Variants in PTPRT observed in about 807,000 individuals in gnomAD.
PTPRT encodes receptor-type tyrosine-protein phosphatase T.
In PTPRT, 56 loss-of-function variants were observed where a neutral mutation model predicts 176.8. That is an observed-to-expected ratio of 0.32 (90% CI 0.26 to 0.40). The LOEUF (loss-of-function observed/expected upper bound fraction) is 0.40. Ranked by LOEUF, PTPRT falls within the 10% of genes least tolerant of loss-of-function variation. The probability of loss-of-function intolerance (pLI) is 1.00; values close to 1 mark genes in which losing one functional copy is unlikely to be tolerated. For synonymous variants in PTPRT, 783 were observed against 739.0 expected, an observed-to-expected ratio of 1.06 and a Z score of -0.96; for missense variants, 1,540 against 1,908.2, an observed-to-expected ratio of 0.81 and a Z score of 3.60.
At position 42,943,264 on chromosome 20, in the gene PTPRT, T is replaced by C. The variant is rs149555830; in HGVS notation, c.89-57332A>G. 3.9e-5 allele frequency among the ~76,000 whole-genome samples: 6 copies of C among 152,258 alleles called. No homozygotes were observed. In the East Asian group the frequency reaches 9.7e-4, roughly 25 times the overall value. ...GTCCCGAGAAGTCCCAAACACTCAA[T>C]GGATATCATCCCAGGGCAGTAAGAT... On this transcript the variant is annotated intron_variant, in intron 1 of 30. Transcript: ENST00000373187.
chr20:42,620,113 G>A (rs1468468366), intron 7 of PTPRT, among the ~76,000 whole-genome samples: 25,766 of 142,410 alleles, frequency 0.18, 3,141 homozygotes, highest in African/African-American at 0.37. Flanking sequence ...GTACAGATGG[G>A]TTTTCGGTGT....
At chr20:42,330,282 C>T (rs1486502603) in intron 11 of PTPRT, among the ~76,000 whole-genome samples, 1 of 151,966 alleles carries the variant, frequency 6.6e-6, no homozygotes, top group Non-Finnish European at 1.5e-5. Context: ...ACTAGCCTCG[C>T]CAACATCGTG....
chr20:42,929,515 C>A (rs1468831934), intron 1 of PTPRT, among the ~76,000 whole-genome samples: 1 of 152,150 alleles, frequency 6.6e-6, no homozygotes, highest in East Asian at 1.9e-4. Flanking sequence ...TTTCTGTGTG[C>A]TTCTTCCTAT....
intron 1 of PTPRT, chr20:42,969,108 A>C (rs564713900): frequency 6.6e-6 from 1 of 152,184 alleles, no homozygotes; most frequent in African/African-American, 2.4e-5. Context: ...CTTGTCGTTA[A>C]TGGGGTGTCA....
chr20:42,787,743 A>G (rs2077312430), intron 3 of PTPRT, among the ~76,000 whole-genome samples: 1 of 152,224 alleles, frequency 6.6e-6, no homozygotes, highest in Non-Finnish European at 1.5e-5. Flanking sequence ...TCTTCACCTT[A>G]GTATTATAAA....
chr20:42,351,168 T>C (rs1221024574), intron 10 of PTPRT, among the ~76,000 whole-genome samples: 2 of 151,950 alleles, frequency 1.3e-5, no homozygotes, highest in African/African-American at 2.4e-5. Flanking sequence ...CTGATAGGAA[T>C]GCGACTATAT....
At chr20:42,961,312 A>G (rs1161534346) in intron 1 of PTPRT, among the ~76,000 whole-genome samples, 1 of 152,236 alleles carries the variant, frequency 6.6e-6, no homozygotes. Flanking sequence ...TTGGTGCTCC[A>G]AAAACATAAA....
chr20:42,322,541 T>A (rs28792709), intron 11 of PTPRT, among the ~76,000 whole-genome samples: 13,224 of 77,376 alleles, frequency 0.17, 2,058 homozygotes, highest in African/African-American at 0.47. Context: ...TGGTGCTGGG[T>A]AAACTGGCTA....
intron 17 of PTPRT, among the ~76,000 whole-genome samples, chr20:42,142,553 T>C (rs1173643208): frequency 1.3e-5 from 2 of 152,178 alleles, no homozygotes; most frequent in East Asian, 3.9e-4. Context: ...TTAGTTACAG[T>C]AGTCCTCCCT....
At chr20:42,112,378 G>A (rs1987047607) in intron 22 of PTPRT, among the ~76,000 whole-genome samples, 1 of 152,190 alleles carries the variant, frequency 6.6e-6, no homozygotes, top group Non-Finnish European at 1.5e-5. Flanking sequence ...GTGTGGCTGG[G>A]TGGGGCAGCA....
At chr20:42,782,613 A>G (rs1233799100) in intron 3 of PTPRT, among the ~76,000 whole-genome samples, 1 of 152,134 alleles carries the variant, frequency 6.6e-6, no homozygotes, top group African/African-American at 2.4e-5. Context: ...TTTTTATTCT[A>G]CCTTATTAGC....
intron 15 of PTPRT, among the ~76,000 whole-genome samples, chr20:42,211,813 C>A (rs1478840649): frequency 2.0e-5 from 3 of 150,546 alleles, no homozygotes; most frequent in African/African-American, 7.4e-5. Context: ...ACCCAAAGGA[C>A]TATAAATCAT....
intron 9 of PTPRT, among the ~76,000 whole-genome samples, chr20:42,408,146 C>T (rs527293968): frequency 1.3e-5 from 2 of 152,098 alleles, no homozygotes; most frequent in African/African-American, 4.8e-5. Flanking sequence ...AAATTAACTA[C>T]CAAACTATTT....
At chr20:42,603,762 CGG>C (rs1569009637) in intron 7 of PTPRT, among the ~76,000 whole-genome samples, 2 of 152,178 alleles carry the variant, frequency 1.3e-5, no homozygotes, top group Non-Finnish European at 2.9e-5. Flanking sequence ...ACTCCATAGA[CGG>C]ACAAGAATGA....
intron 6 of PTPRT, among the ~76,000 whole-genome samples, chr20:42,729,651 G>C (rs16987307): frequency 0.11 from 16,961 of 152,224 alleles, 1,582 homozygotes; most frequent in African/African-American, 0.25. Flanking sequence ...GAGGAAAGGA[G>C]TGATCCAGGA....
At chr20:42,679,917 T>C (rs931372108) in intron 6 of PTPRT, among the ~76,000 whole-genome samples, 1 of 152,190 alleles carries the variant, frequency 6.6e-6, no homozygotes, top group Non-Finnish European at 1.5e-5. Context: ...TAGAACCAAC[T>C]GCGAGGAATG....
chr20:42,870,132 T>C (rs528461708), intron 2 of PTPRT, among the ~76,000 whole-genome samples: 1 of 152,282 alleles, frequency 6.6e-6, no homozygotes, highest in South Asian at 2.1e-4. Flanking sequence ...GCATGAATGG[T>C]CTAAGACACC....
At chr20:42,428,793 A>G (rs544691276) in intron 9 of PTPRT, among the ~76,000 whole-genome samples, 2 of 152,250 alleles carry the variant, frequency 1.3e-5, no homozygotes, top group East Asian at 1.9e-4. Context: ...TGTTCATCCA[A>G]TACTGACAGG....
At chr20:42,914,579 G>C (rs981230133) in intron 1 of PTPRT, among the ~76,000 whole-genome samples, 11 of 152,184 alleles carry the variant, frequency 7.2e-5, no homozygotes, top group African/African-American at 2.7e-4. Context: ...AAAGAAGCCA[G>C]ATTCAAAGGC....
Sources: gnomAD v4.1 joint callset for allele counts (sites outside exome capture counted in the v4.1 genomes callset) on GRCh38, gnomAD v4.1.1 for gene constraint, MANE v1.5 for transcripts, NCBI Gene and HGNC (gene_info 2026-07-23, HGNC 2026-07-21) for gene names.